ECI2: variants seen among roughly 807,000 people sequenced by gnomAD.
The protein encoded by ECI2 is enoyl-CoA delta isomerase 2.
ECI2 carries 27 observed loss-of-function variants against 38.4 expected under a neutral mutation model. The observed-to-expected ratio is 0.70, with a 90% CI of 0.52 to 0.97. The LOEUF (loss-of-function observed/expected upper bound fraction) is 0.97, where lower values mean the gene tolerates loss of function less well. Ranked by LOEUF, ECI2 falls within the 50% of genes least tolerant of loss-of-function variation. ECI2 has a pLI of 0.00. For missense variants in ECI2, 470 were observed against 474.4 expected (o/e 0.99, Z 0.09); for synonymous variants, 168 against 172.0 (o/e 0.98, Z 0.18).
intron 4 of ECI2, among the ~76,000 whole-genome samples, chr6:4,128,589 C>T (rs779257991): frequency 1.2e-4 from 18 of 152,192 alleles, no homozygotes; most frequent in Admixed American, 3.3e-4. Context: ...TCCGTATCCA[C>T]GGGTTCCACA....
intron 2 of ECI2, among the ~76,000 whole-genome samples, chr6:4,131,273 A>G (rs1351314018): frequency 2.6e-5 from 4 of 152,034 alleles, no homozygotes; most frequent in Non-Finnish European, 5.9e-5. Context: ...TGAAGGTACA[A>G]AAAAAAACAC....
chr6:4,130,195 C>A, intron 4 of ECI2, 177 bp downstream of exon 4: 1 of 1,613,850 alleles, frequency 6.2e-7, no homozygotes, highest in South Asian at 1.1e-5. Context: ...TTCACAAACT[C>A]TAAACAATGA....
intron 9 of ECI2, among the ~76,000 whole-genome samples, chr6:4,116,954 A>G (rs1030623985): frequency 1.3e-5 from 2 of 152,264 alleles, no homozygotes; most frequent in African/African-American, 4.8e-5. Flanking sequence ...ACCACATACA[A>G]AAACAAAAGT....
At position 4,135,350 on chromosome 6, in the gene ECI2, T is replaced by C. The variant is rs757159973; in HGVS notation, c.50+161A>G. ...GCGGTGCAGGAGGGCGCGCGTGAGG[T>C]CGTCACTTTTTAGCACTACCTCACC... On this transcript the variant is annotated intron_variant, in intron 1 of 9. Coordinates refer to ENST00000380118, the MANE Select transcript of ECI2 (RefSeq NM_206836.3). 4 of 1,481,042 alleles carry C rather than the reference T, an allele frequency of 2.7e-6. No homozygotes were observed. The African/African-American group carries it at 5.6e-5, about 21-fold the overall frequency. The allele number at this position is 1,481,042 out of a possible 1,614,324, so 91.7% of individuals were successfully genotyped here.
intron 6 of ECI2, 117 bp from the exon 7 acceptor site, chr6:4,125,487 A>G (rs1208069043): frequency 1.3e-5 from 18 of 1,428,802 alleles, no homozygotes; most frequent in South Asian, 3.9e-5. Context: ...TTCCACAGCC[A>G]CCACCAGCAG....
At chr6:4,130,263 A>G in intron 4 of ECI2, 109 bp downstream of exon 4, 1 of 1,613,486 alleles carries the variant, frequency 6.2e-7, no homozygotes, top group Non-Finnish European at 8.5e-7. Context: ...CACAAATCAA[A>G]CAAGAGATAT....
intron 2 of ECI2, 63 bp downstream of exon 2, chr6:4,133,486 G>C (rs1773586690): frequency 2.6e-6 from 4 of 1,541,006 alleles, no homozygotes; most frequent in Non-Finnish European, 3.5e-6. Context: ...AACACACAGT[G>C]TATTTATTTA....
At chr6:4,117,994 A>C (rs1772394521) in intron 8 of ECI2, 3 of 152,378 alleles carry the variant, frequency 2.0e-5, no homozygotes, top group Admixed American at 2.0e-4. Flanking sequence ...TTAAGTGGAT[A>C]TCCTCTCTCC....
At chr6:4,125,503 C>T (rs1773090936) in intron 6 of ECI2, 133 bp from the exon 7 acceptor site, 1 of 1,256,312 alleles carries the variant, frequency 8.0e-7, no homozygotes, top group Admixed American at 2.2e-5. Context: ...AGCAGTGCCT[C>T]CTTGTCCTGC....
Position 4,117,427 on chromosome 6 carries a change from TTCCAAAAATAAGCATCTC to T in ECI2, c.892_909del (p.Glu298_Gly303del). On this transcript the variant is annotated inframe_deletion, in exon 9 of 10. Transcript: ENST00000380118. ...CATGCCTCTCCCGCTGTTAACTTCTTTCCAAAAATAAGCATCTCTGTTGCCTGAAATGAAAAGCAAGAA... is the reference window on the plus strand; with the variant it reads ...CATGCCTCTCCCGCTGTTAACTTCTTTGTTGCCTGAAATGAAAAGCAAGAA... 6.2e-7 allele frequency: 1 copy of T among 1,613,278 alleles called. No individual in the cohort carries two copies. The highest frequency in any genetic ancestry group is 8.5e-7 in the Non-Finnish European group (1 of 1,179,820).
At chr6:4,117,241 A>T (rs1772340799) in intron 9 of ECI2, 67 bp downstream of exon 9, 1 of 1,525,260 alleles carries the variant, frequency 6.6e-7, no homozygotes, top group Non-Finnish European at 8.8e-7. Context: ...TATTCTCTGA[A>T]GGCAAATAAA....
At chr6:4,128,305 C>T (rs1163866856) in intron 4 of ECI2, among the ~76,000 whole-genome samples, 1 of 151,744 alleles carries the variant, frequency 6.6e-6, no homozygotes, top group East Asian at 1.9e-4. Flanking sequence ...CAAGGAAGCC[C>T]CTGGCAGTCT....
At position 4,127,812 on chromosome 6, in the gene ECI2, C is replaced by G. The variant is rs763571704; in HGVS notation, c.521G>C (p.Arg174Pro). The G allele has an allele frequency of 6.2e-7, 1 of 1,612,474 alleles. No individual in the cohort carries two copies. The highest frequency in any genetic ancestry group is 1.3e-5 in the African/African-American group (1 of 74,826). ...ATCCTTGCTGGCAGCTTTAAGTGCACGCATAATTTCATGATACATCTGTGT... is the reference window on the plus strand; with the variant it reads ...ATCCTTGCTGGCAGCTTTAAGTGCAGGCATAATTTCATGATACATCTGTGT... ...INTEMYHEIM[R>P]ALKAASKDDS... The change falls in exon 5 of 10, where the codon CGT (arginine) becomes CCT (proline). Residue 174 changes from arginine to proline, a missense_variant. Transcript: ENST00000380118.
chr6:4,124,737 C>A (rs1322132715), intron 7 of ECI2, among the ~76,000 whole-genome samples: 3 of 152,112 alleles, frequency 2.0e-5, no homozygotes, highest in Non-Finnish European at 4.4e-5. Context: ...AAACTAAAAT[C>A]TGTATAATGC....
intron 1 of ECI2, chr6:4,135,300 G>A (rs1194144119): frequency 1.4e-5 from 20 of 1,400,866 alleles, no homozygotes; most frequent in South Asian, 2.6e-5. Context: ...CTCCCGACGC[G>A]CCCATCCTGA....
Position 4,119,181 on chromosome 6 carries a change from G to A in ECI2, c.885+5C>T. On this transcript the variant is annotated splice_donor_5th_base_variant and intron_variant, in intron 8 of 9. Coordinates refer to ENST00000380118, the MANE Select transcript of ECI2 (RefSeq NM_206836.3). Reference sequence around the variant, plus strand: ...AATTTTATATTTAAACATTCCAAAAGTTACCTTGGCTGGGCTCATTATCTT... The same window carrying A: ...AATTTTATATTTAAACATTCCAAAAATTACCTTGGCTGGGCTCATTATCTT... 1 of 1,608,180 alleles carries A rather than the reference G, an allele frequency of 6.2e-7. No individual in the cohort carries two copies. Among genetic ancestry groups the A allele is most frequent in the Non-Finnish European group, 8.5e-7 (1 of 1,177,730 alleles).
chr6:4,124,667 A>G (rs1401013086), intron 7 of ECI2, among the ~76,000 whole-genome samples: 1 of 152,212 alleles, frequency 6.6e-6, no homozygotes, highest in Non-Finnish European at 1.5e-5. Flanking sequence ...GTACTTTTTC[A>G]TATCTTTCAA....
chr6:4,122,154 T>C (rs1300937886), intron 7 of ECI2: 3 of 546,328 alleles, frequency 5.5e-6, no homozygotes, highest in East Asian at 6.4e-5. Flanking sequence ...CTTAGGGACG[T>C]TGGGAAAGTT....
chr6:4,134,493 C>A (rs1439760905), intron 1 of ECI2, among the ~76,000 whole-genome samples: 1 of 152,062 alleles, frequency 6.6e-6, no homozygotes, highest in Non-Finnish European at 1.5e-5. Flanking sequence ...AGGACTCAGG[C>A]CACAAGCTAA....
Sources: gnomAD v4.1 joint callset for allele counts (sites outside exome capture counted in the v4.1 genomes callset) on GRCh38, gnomAD v4.1.1 for gene constraint, MANE v1.5 for transcripts, NCBI Gene and HGNC (gene_info 2026-07-23, HGNC 2026-07-21) for gene names.